Variants in CAMK1D observed in about 807,000 individuals in gnomAD.
The protein encoded by CAMK1D is calcium/calmodulin dependent protein kinase ID, also known as calcium/calmodulin-dependent protein kinase type 1D.
In CAMK1D, 9 loss-of-function variants were observed where a neutral mutation model predicts 47.7. The ratio of observed to expected loss-of-function variants is 0.19; its 90% CI spans 0.11 to 0.33. The LOEUF (loss-of-function observed/expected upper bound fraction) is 0.33, where lower values mean the gene tolerates loss of function less well. CAMK1D is among the 10% of genes least tolerant of loss of function. The pLI is 1.00. For missense variants in CAMK1D, 291 were observed against 488.7 expected, an observed-to-expected ratio of 0.60 and a Z score of 3.81; for synonymous variants, 184 against 184.9, an observed-to-expected ratio of 0.99 and a Z score of 0.04.
At chr10:12,397,423 A>G (rs1250476735) in intron 1 of CAMK1D, among the ~76,000 whole-genome samples, 1 of 152,104 alleles carries the variant, frequency 6.6e-6, no homozygotes, top group Non-Finnish European at 1.5e-5. Context: ...CTCTTCCCCC[A>G]CACGGCTTTG....
At chr10:12,537,758 A>G (rs528557723) in intron 1 of CAMK1D, among the ~76,000 whole-genome samples, 30 of 152,322 alleles carry the variant, frequency 2.0e-4, no homozygotes, top group African/African-American at 5.5e-4. Flanking sequence ...TTAATATTGT[A>G]TTAGTAGGAC....
At chr10:12,546,709 G>A (rs1836383539) in intron 1 of CAMK1D, among the ~76,000 whole-genome samples, 1 of 149,626 alleles carries the variant, frequency 6.7e-6, no homozygotes, top group Non-Finnish European at 1.5e-5. Flanking sequence ...CTATCGCAAG[G>A]ACAGAAAACC....
chr10:12,776,250 G>A (rs1837241092), intron 5 of CAMK1D, among the ~76,000 whole-genome samples: 1 of 152,238 alleles, frequency 6.6e-6, no homozygotes, highest in Non-Finnish European at 1.5e-5. Flanking sequence ...AAGAAAGAAG[G>A]CAAGGATAAT....
intron 3 of CAMK1D, among the ~76,000 whole-genome samples, chr10:12,669,968 T>A (rs1262067556): frequency 1.3e-5 from 2 of 152,130 alleles, no homozygotes; most frequent in African/African-American, 4.8e-5. Flanking sequence ...GCGGACTCTA[T>A]CGAGTGAAGT....
At chr10:12,376,211 T>C (rs1350353152) in intron 1 of CAMK1D, among the ~76,000 whole-genome samples, 1 of 148,392 alleles carries the variant, frequency 6.7e-6, no homozygotes, top group Non-Finnish European at 1.5e-5. Flanking sequence ...AAGATGTCTA[T>C]GGCGTTTGAA....
chr10:12,657,427 A>AGAAT (rs1554804970), intron 2 of CAMK1D, among the ~76,000 whole-genome samples: 1 of 146,712 alleles, frequency 6.8e-6, no homozygotes, highest in Non-Finnish European at 1.5e-5. Context: ...CTGTCTCATA[A>AGAAT]AAATAAATAA....
At chr10:12,499,329 CTT>C in intron 1 of CAMK1D, among the ~76,000 whole-genome samples, 1 of 152,178 alleles carries the variant, frequency 6.6e-6, no homozygotes, top group Non-Finnish European at 1.5e-5. Context: ...GCAGATCCCT[CTT>C]TTCTCATTCT....
intron 3 of CAMK1D, among the ~76,000 whole-genome samples, chr10:12,677,360 T>C (rs983313391): frequency 1.3e-5 from 2 of 152,142 alleles, no homozygotes; most frequent in Non-Finnish European, 2.9e-5. Context: ...CAAAATCTTA[T>C]CTTTGTTCAC....
intron 3 of CAMK1D, among the ~76,000 whole-genome samples, chr10:12,757,173 C>T (rs1836269863): frequency 6.6e-6 from 1 of 152,126 alleles, no homozygotes; most frequent in African/African-American, 2.4e-5. Context: ...GTCCTTCACC[C>T]AGACTGGAGT....
chr10:12,651,938 C>T (rs1404791871), intron 2 of CAMK1D, among the ~76,000 whole-genome samples: 1 of 151,874 alleles, frequency 6.6e-6, no homozygotes, highest in African/African-American at 2.4e-5. Context: ...GCCACCACGC[C>T]CCGCTAATTT....
chr10:12,765,544 C>G (rs559088133), intron 4 of CAMK1D, among the ~76,000 whole-genome samples: 1 of 152,306 alleles, frequency 6.6e-6, no homozygotes, highest in South Asian at 2.1e-4. Context: ...CAGTTTTTAG[C>G]AAGAATCCTG....
At chr10:12,777,894 G>A (rs1245685360) in intron 5 of CAMK1D, among the ~76,000 whole-genome samples, 2 of 152,182 alleles carry the variant, frequency 1.3e-5, no homozygotes, top group Non-Finnish European at 2.9e-5. Context: ...ATCTGAGCAG[G>A]GCAGAGCCCA....
chr10:12,750,668 AGAATGAAT>A (rs62896660), intron 3 of CAMK1D, among the ~76,000 whole-genome samples: 48 of 151,452 alleles, frequency 3.2e-4, no homozygotes, highest in African/African-American at 1.2e-3. Context: ...GGGAAAGTCA[AGAATGAAT>A]GAATGAATGA....
chr10:12,588,817 C>T (rs914785594), intron 2 of CAMK1D, among the ~76,000 whole-genome samples: 3 of 150,930 alleles, frequency 2.0e-5, no homozygotes, highest in Admixed American at 1.3e-4. Flanking sequence ...CACATACACA[C>T]ATGCACATAC....
chr10:12,537,315 G>C (rs573441736), intron 1 of CAMK1D, among the ~76,000 whole-genome samples: 2 of 152,238 alleles, frequency 1.3e-5, no homozygotes, highest in South Asian at 4.1e-4. Flanking sequence ...CAAGTGATCC[G>C]CCTGCCTTGA....
At chr10:12,501,391 G>A (rs1373754777) in intron 1 of CAMK1D, among the ~76,000 whole-genome samples, 1 of 152,276 alleles carries the variant, frequency 6.6e-6, no homozygotes, top group Non-Finnish European at 1.5e-5. Flanking sequence ...CTTTAGGTGT[G>A]TGGAAGCCTC....
In CAMK1D at chr10:12,760,978, A is replaced by G. The variant is rs776992169; in HGVS notation, c.330A>G (p.Ile110Met). Residue 110 changes from isoleucine to methionine, a missense_variant, in exon 4 of 11, where the codon ATA becomes ATG. Physicochemically the swap from Ile to Met is conservative, Grantham distance 10. Coordinates refer to ENST00000619168, the MANE Select transcript of CAMK1D (RefSeq NM_153498.4). ...CCGGTGGAGAGCTGTTTGACCGGAT[A>G]GTGGAGAAGGGGTTTTATACAGAGA... ...LVSGGELFDR[I>M]VEKGFYTEKD... is the part of the protein sequence containing the mutation. 3 of 1,614,066 alleles carry G rather than the reference A, an allele frequency of 1.9e-6. No homozygotes were observed.
chr10:12,650,304 CCAGGGGCAGGGT>C (rs1352803934), intron 2 of CAMK1D, among the ~76,000 whole-genome samples: 1 of 152,260 alleles, frequency 6.6e-6, no homozygotes, highest in Admixed American at 6.5e-5. Flanking sequence ...GACCAGCGTG[CCAGGGGCAGGGT>C]CAGATGCCAG....
intron 1 of CAMK1D, among the ~76,000 whole-genome samples, chr10:12,429,392 T>C (rs374881480): frequency 1.7e-4 from 26 of 152,116 alleles, no homozygotes; most frequent in African/African-American, 4.1e-4. Flanking sequence ...CAGGCTGGAG[T>C]GCAGTGGTGT....
Sources: allele counts gnomAD v4.1 joint callset (sites outside exome capture counted in the v4.1 genomes callset), GRCh38; gene constraint gnomAD v4.1.1; transcripts MANE v1.5; gene names NCBI Gene and HGNC (gene_info 2026-07-23, HGNC 2026-07-21).